The following ABI1 variants were observed in gnomAD, a reference collection of about 807,000 sequenced individuals.
ABI1 encodes Abelson interactor 1.
A neutral mutation model predicts 54.6 loss-of-function variants in ABI1; 14 were observed. The ratio of observed to expected loss-of-function variants is 0.26; its 90% CI spans 0.17 to 0.40. The LOEUF is 0.40. Among genes scored for constraint, ABI1 ranks in the 10% least tolerant of loss-of-function variants. The pLI is 1.00. For missense variants in ABI1, 443 were observed against 598.3 expected (o/e 0.74, Z 2.71); for synonymous variants, 194 against 209.3 (o/e 0.93, Z 0.63).
intron 10 of ABI1, among the ~76,000 whole-genome samples, chr10:26,751,335 C>T (rs977585111): frequency 3.9e-5 from 6 of 152,088 alleles, no homozygotes; most frequent in East Asian, 1.9e-4. Flanking sequence ...TATAAAATGC[C>T]GTCCAGCAAG....
rs1419023522 is a variant in ABI1, at chr10:26,823,262, G to A, written c.161C>T (p.Thr54Ile). The A allele has an allele frequency of 1.1e-5, 18 of 1,595,038 alleles. No individual in the cohort carries two copies. The highest frequency in any genetic ancestry group is 1.5e-5 in the Non-Finnish European group (18 of 1,174,422). Reference sequence around the variant, plus strand: ...AGCAACACTAGCTAGAGATTGGGTTGTATAGGCTTTGGTCTCCTCTAAAGC... The same window carrying A: ...AGCAACACTAGCTAGAGATTGGGTTATATAGGCTTTGGTCTCCTCTAAAGC... ...RKALEETKAY[T>I]TQSLASVAYQ... is the part of the protein sequence containing the mutation. The change falls in exon 2 of 11, where the codon ACA (threonine) becomes ATA (isoleucine). Residue 54 changes from threonine to isoleucine, a missense_variant. Around this residue, in one of 2 missense-constraint regions of ABI1, gnomAD observed 394 missense variants for 484.8 expected, o/e 0.81. Transcript: ENST00000376140.
chr10:26,760,560 T>A (rs139139351), intron 7 of ABI1, among the ~76,000 whole-genome samples: 6 of 152,318 alleles, frequency 3.9e-5, no homozygotes, highest in African/African-American at 1.4e-4. Context: ...GAATAAGTAA[T>A]TTTGGACAGC....
rs745638600 is a variant in ABI1, at chr10:26,825,658, T to A, written c.118-2353A>T. 7.2e-5 allele frequency among the ~76,000 whole-genome samples: 11 copies of A among 152,300 alleles called. No homozygotes were observed. In the South Asian group the frequency reaches 2.3e-3, roughly 32 times the overall value. On this transcript the variant is annotated intron_variant, in intron 1 of 10. Coordinates refer to ENST00000376140, the MANE Select transcript of ABI1 (RefSeq NM_001012750.3). ...CCTGGGCAACAAGAGCAAAACTCTG[T>A]CTCAAAAATAAATAAGTAAATAAAA...
At chr10:26,797,483 T>G (rs1844342918) in intron 2 of ABI1, among the ~76,000 whole-genome samples, 1 of 152,146 alleles carries the variant, frequency 6.6e-6, no homozygotes, top group African/African-American at 2.4e-5. Context: ...CATTCACATA[T>G]TATCACAGGG....
chr10:26,762,228 T>G (rs910543092), intron 7 of ABI1, among the ~76,000 whole-genome samples: 7 of 152,088 alleles, frequency 4.6e-5, no homozygotes, highest in African/African-American at 1.7e-4. Flanking sequence ...AGGCTGGTCT[T>G]GAACTCCTGG....
At chr10:26,841,906 G>A (rs2049542628) in intron 1 of ABI1, among the ~76,000 whole-genome samples, 1 of 152,114 alleles carries the variant, frequency 6.6e-6, no homozygotes, top group African/African-American at 2.4e-5. Context: ...TGGGAGTGCA[G>A]ATATCTTTAT....
At chr10:26,840,161 G>C (rs1166094425) in intron 1 of ABI1, among the ~76,000 whole-genome samples, 1 of 152,080 alleles carries the variant, frequency 6.6e-6, no homozygotes, top group East Asian at 1.9e-4. Context: ...ATCCTAATGG[G>C]AGGTGTCTGG....
At chr10:26,839,838 A>G (rs1359703470) in intron 1 of ABI1, 3 of 695,628 alleles carry the variant, frequency 4.3e-6, no homozygotes, top group East Asian at 5.4e-5. Flanking sequence ...TAAAGATGGT[A>G]AAGATGGCAA....
At chr10:26,801,415 T>C (rs1211785274) in intron 2 of ABI1, among the ~76,000 whole-genome samples, 1 of 151,690 alleles carries the variant, frequency 6.6e-6, no homozygotes, top group Non-Finnish European at 1.5e-5. Flanking sequence ...GGCGTGGTGG[T>C]ATGCACCTGC....
At chr10:26,822,747 G>A (rs1295752127) in intron 2 of ABI1, among the ~76,000 whole-genome samples, 7 of 152,158 alleles carry the variant, frequency 4.6e-5, no homozygotes, top group Non-Finnish European at 1.0e-4. Flanking sequence ...GGGGGAAAGG[G>A]GATGGTTCAT....
chr10:26,783,587 C>T (rs1488314148), intron 2 of ABI1, among the ~76,000 whole-genome samples: 1 of 152,214 alleles, frequency 6.6e-6, no homozygotes, highest in East Asian at 1.9e-4. Context: ...AGAACATCTC[C>T]TGGCCACTTG....
intron 2 of ABI1, among the ~76,000 whole-genome samples, chr10:26,811,955 T>A (rs2047266168): frequency 6.6e-6 from 1 of 152,312 alleles, no homozygotes; most frequent in East Asian, 1.9e-4. Flanking sequence ...ACAGGCTCCC[T>A]GAGAAGGCTC....
chr10:26,774,962 A>G (rs1841200347), intron 3 of ABI1, among the ~76,000 whole-genome samples: 1 of 152,170 alleles, frequency 6.6e-6, no homozygotes, highest in African/African-American at 2.4e-5. Context: ...AAGGATTCTT[A>G]CAAGTCAGTA....
intron 2 of ABI1, among the ~76,000 whole-genome samples, chr10:26,791,401 C>A (rs1038031483): frequency 2.0e-5 from 3 of 152,184 alleles, no homozygotes; most frequent in Admixed American, 1.3e-4. Context: ...CATCTACTCA[C>A]AACCACACAT....
rs1414522905 is a variant in ABI1, at chr10:26,765,227, T to C, written c.811A>G (p.Ile271Val). 7.5e-6 allele frequency: 12 copies of C among 1,602,406 alleles called. No individual in the cohort carries two copies. The highest frequency in any genetic ancestry group is 6.8e-5 in the South Asian group (6 of 88,206). Residue 271 changes from isoleucine to valine, a missense_variant, in exon 7 of 11, where the codon ATT (isoleucine) becomes GTT (valine). Coordinates refer to ENST00000376140, the MANE Select transcript of ABI1 (RefSeq NM_001012750.3). ...IAVPTPSPPT[I>V]GPAAPGSAPG... ...TTAATAAATAACACACCTGGTCCAA[T>C]AGTGGGTGGCGAAGGTGTAGGCACA...
At chr10:26,840,150 G>A (rs1223012283) in intron 1 of ABI1, among the ~76,000 whole-genome samples, 1 of 152,136 alleles carries the variant, frequency 6.6e-6, no homozygotes, top group Non-Finnish European at 1.5e-5. Flanking sequence ...GCTGGAGGTG[G>A]ATCCTAATGG....
chr10:26,793,372 C>T (rs1048958383), intron 2 of ABI1, among the ~76,000 whole-genome samples: 3 of 152,188 alleles, frequency 2.0e-5, no homozygotes, highest in African/African-American at 4.8e-5. Flanking sequence ...AGGTCCCAAT[C>T]AACTTCGAAG....
Position 26,860,637 on chromosome 10 carries a change from G to T in ABI1, c.117+110C>A. 1 of 846,726 alleles carries T rather than the reference G, an allele frequency of 1.2e-6. No homozygotes were observed. The highest frequency in any genetic ancestry group is 2.0e-6 in the Non-Finnish European group (1 of 511,436). The allele number at this position is 846,726 out of a possible 1,614,324, so 52.5% of individuals were successfully genotyped here. On this transcript the variant is annotated intron_variant, in intron 1 of 10. Coordinates refer to ENST00000376140, the MANE Select transcript of ABI1 (RefSeq NM_001012750.3). This position sits in a 1 kb window ranked among gnomAD's most constrained non-coding sequence, Gnocchi z 4.1. ...GGTTGGGGCTGCGGTAGGGGCTCGG[G>T]TTGGTGGCAGCCGCTGAGGTCAGGG...
intron 8 of ABI1, among the ~76,000 whole-genome samples, chr10:26,758,068 CAAAAAA>C (rs71403888): frequency 1.5e-5 from 1 of 67,406 alleles, no homozygotes; most frequent in Non-Finnish European, 2.9e-5. Context: ...AACTCTGTCT[CAAAAAA>C]AAAAAAAAAA....
Sources: gnomAD v4.1 joint callset for allele counts (sites outside exome capture counted in the v4.1 genomes callset) on GRCh38, gnomAD v4.1.1 for gene constraint, gnomAD v4.1.1 regional missense constraint, Gnocchi (gnomAD v3.1) non-coding constraint, MANE v1.5 for transcripts, NCBI Gene and HGNC (gene_info 2026-07-23, HGNC 2026-07-21) for gene names.